Variants in BLMH observed in about 807,000 individuals in gnomAD.
BLMH encodes the protein bleomycin hydrolase, also known as BLM hydrolase.
BLMH carries 32 observed loss-of-function variants against 61.6 expected under a neutral mutation model. That is an observed-to-expected ratio of 0.52 (90% CI 0.39 to 0.70). The LOEUF is 0.70. Ranked by LOEUF, BLMH falls within the 30% of genes least tolerant of loss-of-function variation. The pLI is 0.00. For synonymous variants in BLMH, 183 were observed against 193.8 expected (o/e 0.94, Z 0.46); for missense variants, 460 against 555.5 (o/e 0.83, Z 1.73).
At chr17:30,260,827 G>A (rs551485471) in intron 11 of BLMH, among the ~76,000 whole-genome samples, 1 of 152,232 alleles carries the variant, frequency 6.6e-6, no homozygotes, top group Admixed American at 6.5e-5. Flanking sequence ...AGGTTGCAGT[G>A]AGCCAAGACC....
chr17:30,281,563 A>C (rs1211718573), intron 6 of BLMH, among the ~76,000 whole-genome samples: 2 of 152,152 alleles, frequency 1.3e-5, no homozygotes, highest in African/African-American at 4.8e-5. Flanking sequence ...CCTATCTGTA[A>C]GTTCACCCTT....
intron 6 of BLMH, among the ~76,000 whole-genome samples, chr17:30,275,319 A>T (rs1567836571): frequency 6.6e-6 from 1 of 152,212 alleles, no homozygotes; most frequent in Non-Finnish European, 1.5e-5. Context: ...TCAAGTTAAC[A>T]TCATTACGAT....
intron 5 of BLMH, 48 bp downstream of exon 5, chr17:30,286,766 G>A: frequency 1.4e-6 from 2 of 1,389,292 alleles, no homozygotes; most frequent in Non-Finnish European, 2.0e-6. Flanking sequence ...AAATAAGTTT[G>A]AAGGAAAGTA....
chr17:30,279,845 AT>A (rs1908536586), intron 6 of BLMH, among the ~76,000 whole-genome samples: 1 of 152,226 alleles, frequency 6.6e-6, no homozygotes, highest in Admixed American at 6.5e-5. Context: ...AGATCTGTTT[AT>A]TTTAAATGAC....
intron 11 of BLMH, among the ~76,000 whole-genome samples, chr17:30,253,354 A>T (rs1411646789): frequency 6.6e-6 from 1 of 152,180 alleles, no homozygotes; most frequent in African/African-American, 2.4e-5. Context: ...CCACCCTTTC[A>T]ATGTCCCTGC....
At chr17:30,288,368 T>A (rs1908788629) in intron 3 of BLMH, among the ~76,000 whole-genome samples, 1 of 152,198 alleles carries the variant, frequency 6.6e-6, no homozygotes, top group African/African-American at 2.4e-5. Context: ...TATTTACTTA[T>A]TTATTTTTAG....
At chr17:30,253,684 A>G (rs1282159524) in intron 11 of BLMH, among the ~76,000 whole-genome samples, 1 of 152,228 alleles carries the variant, frequency 6.6e-6, no homozygotes, top group African/African-American at 2.4e-5. Flanking sequence ...GAAAAAAGAA[A>G]AGAAAACAAA....
chr17:30,269,991 G>A (rs1393583657), intron 10 of BLMH, among the ~76,000 whole-genome samples: 2 of 152,160 alleles, frequency 1.3e-5, no homozygotes, highest in Non-Finnish European at 2.9e-5. Flanking sequence ...GGGGTTGAAA[G>A]GGCACCCTTC....
intron 6 of BLMH, 33 bp from the exon 7 acceptor site, chr17:30,274,230 GT>G (rs1908357625): frequency 1.3e-6 from 2 of 1,598,764 alleles, no homozygotes; most frequent in African/African-American, 2.7e-5. Context: ...GCGAGCAATG[GT>G]TAGGGGGAAA....
chr17:30,291,533 T>C, intron 1 of BLMH, 25 bp from the exon 2 acceptor site: 1 of 1,609,878 alleles, frequency 6.2e-7, no homozygotes, highest in Non-Finnish European at 8.5e-7. Flanking sequence ...AACAGGATTT[T>C]AACGCAAAAA....
At chr17:30,254,336 G>A (rs1320025328) in intron 11 of BLMH, among the ~76,000 whole-genome samples, 2 of 152,148 alleles carry the variant, frequency 1.3e-5, no homozygotes, top group African/African-American at 4.8e-5. Flanking sequence ...TTCAGTCACT[G>A]CCAATCTTTC....
intron 7 of BLMH, 97 bp from the exon 8 acceptor site, chr17:30,272,996 A>T (rs1314225202): frequency 5.2e-6 from 7 of 1,353,854 alleles, no homozygotes; most frequent in Non-Finnish European, 7.1e-6. Context: ...CAAGCTCATC[A>T]TCTCTGCCTA....
intron 5 of BLMH, among the ~76,000 whole-genome samples, chr17:30,285,749 T>C (rs1337579274): frequency 2.0e-5 from 3 of 152,236 alleles, no homozygotes; most frequent in Non-Finnish European, 2.9e-5. Context: ...GTGTTTTATG[T>C]GTCTGGGCAT....
chr17:30,277,569 G>A (rs930651506), intron 6 of BLMH, among the ~76,000 whole-genome samples: 2 of 152,296 alleles, frequency 1.3e-5, no homozygotes, highest in African/African-American at 2.4e-5. Context: ...GTTATCCAAC[G>A]GTGGTAAATT....
chr17:30,272,842 C>T lies in BLMH; in HGVS notation c.859G>A (p.Glu287Lys), dbSNP rs1908312887. The T allele has an allele frequency of 6.2e-7, 1 of 1,614,076 alleles. No individual in the cohort carries two copies. Among genetic ancestry groups the T allele is most frequent in the Non-Finnish European group, 8.5e-7 (1 of 1,180,010 alleles). ...QHKYNKLYTV[E>K]YLSNMVGGRK... ...CCTCCAACCATATTGCTTAAGTATT[C>T]CACTGTGTAAAGTTTGTTGTACTTG... Residue 287 changes from glutamate (E) to lysine (K), a missense_variant, in exon 8 of 12, where the codon GAA (glutamate) becomes AAA (lysine). Glu to Lys is a moderately conservative substitution (Grantham distance 56). Transcript: ENST00000261714.
At chr17:30,273,068 G>A in intron 7 of BLMH, 169 bp from the exon 8 acceptor site, 1 of 662,690 alleles carries the variant, frequency 1.5e-6, no homozygotes, top group Non-Finnish European at 2.5e-6. Context: ...CAAAATACAT[G>A]TGAGAGAGGT....
chr17:30,261,426 G>A (rs1439557188), intron 11 of BLMH, among the ~76,000 whole-genome samples: 1 of 152,142 alleles, frequency 6.6e-6, no homozygotes, highest in Non-Finnish European at 1.5e-5. Context: ...GTAGCTTTAT[G>A]TCCTGAGTAC....
rs1342849495 is a variant in BLMH, at chr17:30,285,369, A to C, written c.645+19T>G. The C allele has an allele frequency of 6.3e-7, 1 of 1,591,618 alleles. No individual in the cohort carries two copies. Among genetic ancestry groups the C allele is most frequent in the East Asian group, 2.2e-5 (1 of 44,480 alleles). ...AGTTCCTTAGAGGGGTCACAAAAAA[A>C]TCCAAATTTTGTTATTACCTCCTCC... On this transcript the variant is annotated intron_variant, in intron 6 of 11. Coordinates refer to ENST00000261714, the MANE Select transcript of BLMH (RefSeq NM_000386.4).
intron 6 of BLMH, among the ~76,000 whole-genome samples, chr17:30,277,635 T>C (rs759451914): frequency 6.6e-6 from 1 of 152,226 alleles, no homozygotes. Flanking sequence ...CCAACTAAGA[T>C]GAAGATAACT....
Sources: allele counts gnomAD v4.1 joint callset (sites outside exome capture counted in the v4.1 genomes callset), GRCh38; gene constraint gnomAD v4.1.1; transcripts MANE v1.5; gene names NCBI Gene and HGNC (gene_info 2026-07-23, HGNC 2026-07-21).